The following TRDN variants were observed in gnomAD, a reference collection of about 807,000 sequenced individuals.
The protein encoded by TRDN is triadin in skeletal muscle.
Under a neutral mutation model 149.7 loss-of-function variants are expected in TRDN, and 161 were observed. The ratio of observed to expected loss-of-function variants is 1.08; its 90% CI spans 0.95 to 1.23. The LOEUF is 1.23. Among genes scored for constraint, TRDN ranks in the 50% most tolerant of loss-of-function variants. The pLI, the probability that TRDN is intolerant of heterozygous loss-of-function variation, is 0.00. For synonymous variants in TRDN, 294 were observed against 250.5 expected (o/e 1.17, Z -1.64); for missense variants, 896 against 823.5 (o/e 1.09, Z -1.08).
intron 21 of TRDN, chr6:123,351,387 C>T: frequency 1.0e-6 from 1 of 984,268 alleles, no homozygotes; most frequent in Non-Finnish European, 1.2e-6. Context: ...CATAAATGAA[C>T]ACACTGAAAT....
At chr6:123,284,373 T>C (rs2114637978) in intron 24 of TRDN, among the ~76,000 whole-genome samples, 1 of 151,828 alleles carries the variant, frequency 6.6e-6, no homozygotes, top group East Asian at 1.9e-4. Flanking sequence ...TACAAGTCAA[T>C]AAATATGATA....
intron 1 of TRDN, among the ~76,000 whole-genome samples, chr6:123,596,936 C>T (rs1290177625): frequency 6.6e-6 from 1 of 151,920 alleles, no homozygotes; most frequent in Non-Finnish European, 1.5e-5. Context: ...TTTTTGATGC[C>T]CCCTAACACA....
intron 7 of TRDN, 47 bp from the exon 8 acceptor site, chr6:123,503,948 C>G: frequency 6.7e-7 from 1 of 1,500,054 alleles, no homozygotes; most frequent in Non-Finnish European, 8.9e-7. Flanking sequence ...TATTTACAAA[C>G]ATAATGTTTC....
chr6:123,275,827 A>G (rs571768478), intron 26 of TRDN, among the ~76,000 whole-genome samples: 1 of 152,282 alleles, frequency 6.6e-6, no homozygotes, highest in South Asian at 2.1e-4. Context: ...TAAATGATAC[A>G]TTTGTGACTT....
At chr6:123,272,910 A>T in intron 29 of TRDN, 54 bp downstream of exon 29, 1 of 1,283,636 alleles carries the variant, frequency 7.8e-7, no homozygotes, top group Non-Finnish European at 1.1e-6. Context: ...TCCTTCTGCT[A>T]AAATTAGAAC....
chr6:123,326,888 T>C (rs906747204), intron 23 of TRDN, among the ~76,000 whole-genome samples: 6 of 152,106 alleles, frequency 3.9e-5, no homozygotes, highest in African/African-American at 1.4e-4. Context: ...CAGTTATTTT[T>C]CTTTGTTCAT....
intron 2 of TRDN, among the ~76,000 whole-genome samples, chr6:123,567,682 A>G (rs1782363200): frequency 6.6e-6 from 1 of 152,112 alleles, no homozygotes; most frequent in African/African-American, 2.4e-5. Context: ...ATCTCACAAG[A>G]TCTCATTCAC....
chr6:123,577,013 G>A (rs973772755), intron 1 of TRDN, among the ~76,000 whole-genome samples: 17 of 151,996 alleles, frequency 1.1e-4, no homozygotes, highest in Admixed American at 2.0e-4. Flanking sequence ...TAGGGGGAAA[G>A]TGAATTTACA....
chr6:123,595,131 T>G (rs904733300), intron 1 of TRDN, among the ~76,000 whole-genome samples: 1 of 152,284 alleles, frequency 6.6e-6, no homozygotes, highest in African/African-American at 2.4e-5. Flanking sequence ...AAATTATTTC[T>G]CATGAAATTT....
intron 8 of TRDN, chr6:123,498,648 A>C (rs550831557): frequency 2.1e-6 from 1 of 470,144 alleles, no homozygotes; most frequent in African/African-American, 2.0e-5. Context: ...TGGGAACCCT[A>C]TGATTGGGAA....
intron 23 of TRDN, 36 bp from the exon 24 acceptor site, chr6:123,316,531 A>G: frequency 6.3e-7 from 1 of 1,591,198 alleles, no homozygotes; most frequent in South Asian, 1.1e-5. Context: ...CGTACAAACA[A>G]AAGGGAAAAA....
chr6:123,391,210 A>G (rs1017618826), intron 13 of TRDN, among the ~76,000 whole-genome samples: 1 of 152,070 alleles, frequency 6.6e-6, no homozygotes, highest in Non-Finnish European at 1.5e-5. Flanking sequence ...TTGTCCAATT[A>G]TTTTACTTTT....
chr6:123,411,123 T>G (rs1582985470), intron 12 of TRDN, among the ~76,000 whole-genome samples: 1 of 151,226 alleles, frequency 6.6e-6, no homozygotes, highest in East Asian at 2.0e-4. Context: ...ATCGGCTCAC[T>G]GCAACCTCCA....
intron 1 of TRDN, among the ~76,000 whole-genome samples, chr6:123,583,446 A>G (rs936751727): frequency 2.0e-5 from 3 of 152,078 alleles, no homozygotes; most frequent in African/African-American, 7.2e-5. Context: ...AAAGTCATAA[A>G]AGTATTATCC....
intron 23 of TRDN, among the ~76,000 whole-genome samples, chr6:123,316,900 C>T (rs1250518027): frequency 1.3e-5 from 2 of 151,672 alleles, no homozygotes; most frequent in African/African-American, 2.4e-5. Context: ...TCTTTGACTA[C>T]CATACATTTA....
intron 2 of TRDN, among the ~76,000 whole-genome samples, chr6:123,555,766 TA>T: frequency 6.6e-6 from 1 of 152,282 alleles, no homozygotes; most frequent in South Asian, 2.1e-4. Context: ...TTATTTATGC[TA>T]AAATAATAAT....
intron 5 of TRDN, among the ~76,000 whole-genome samples, chr6:123,519,463 T>C (rs963775383): frequency 7.4e-6 from 1 of 135,968 alleles, no homozygotes; most frequent in Non-Finnish European, 1.6e-5. Context: ...ATAATCTGCC[T>C]GACCCTGTGG....
At chr6:123,226,237 A>G (rs1775359795) in intron 38 of TRDN, among the ~76,000 whole-genome samples, 1 of 151,826 alleles carries the variant, frequency 6.6e-6, no homozygotes, top group Non-Finnish European at 1.5e-5. Flanking sequence ...AACAGTACAA[A>G]CTGTTATATG....
At chr6:123,248,793 A>G (rs1378680639) in intron 38 of TRDN, among the ~76,000 whole-genome samples, 1 of 152,128 alleles carries the variant, frequency 6.6e-6, no homozygotes, top group Non-Finnish European at 1.5e-5. Context: ...TGAAACATAG[A>G]AAGAAAAACT....
Sources: allele counts gnomAD v4.1 joint callset (sites outside exome capture counted in the v4.1 genomes callset), GRCh38; gene constraint gnomAD v4.1.1; transcripts MANE v1.5; gene names NCBI Gene and HGNC (gene_info 2026-07-23, HGNC 2026-07-21).